GPR20: variants seen among roughly 807,000 people sequenced by gnomAD.
The protein encoded by GPR20 is G protein-coupled receptor 20, also known as CTD-3064M3.3.
For synonymous variants in GPR20, 241 were observed against 241.9 expected, an observed-to-expected ratio of 1.00 and a Z score of 0.04; for missense variants, 494 against 527.4, an observed-to-expected ratio of 0.94 and a Z score of 0.62.
chr8:141,358,024 G>C, intron 1 of GPR20, 77 bp from the exon 2 acceptor site: 1 of 711,052 alleles, frequency 1.4e-6, no homozygotes, highest in Middle Eastern at 3.8e-4. Flanking sequence ...AACTCAGCTG[G>C]CCCGTCTGCC....
intron 1 of GPR20, among the ~76,000 whole-genome samples, chr8:141,360,767 G>A (rs1831722339): frequency 6.6e-6 from 1 of 152,288 alleles, no homozygotes; most frequent in South Asian, 2.1e-4. Flanking sequence ...GTGATGAGCA[G>A]TCACCAGCAC....
At chr8:141,359,116 G>C (rs1831696276) in intron 1 of GPR20, among the ~76,000 whole-genome samples, 1 of 152,158 alleles carries the variant, frequency 6.6e-6, no homozygotes, top group South Asian at 2.1e-4. Flanking sequence ...GGGCCAGCAG[G>C]GTGGGGAGGC....
At chr8:141,366,514 G>A (rs569306833) in intron 1 of GPR20, among the ~76,000 whole-genome samples, 7 of 152,336 alleles carry the variant, frequency 4.6e-5, no homozygotes, top group South Asian at 2.1e-4. Flanking sequence ...TGCGAGCTTC[G>A]CGGGGCTGGA....
In GPR20 at chr8:141,357,129, C is replaced by G. The variant is rs372583253; in HGVS notation, c.795G>C (p.Ala265=). The G allele has an allele frequency of 1.2e-6, 2 of 1,611,172 alleles. No individual in the cohort carries two copies. Among genetic ancestry groups the G allele is most frequent in the East Asian group, 2.2e-5 (1 of 44,874 alleles). The change falls in exon 2 of 2, where the codon GCG becomes GCC. Residue 265 remains alanine (A), a synonymous_variant. Transcript: ENST00000377741. ...TPFHARQVAV[A]LWPDMPHHTS... ...TGTGGTGTGGCATGTCGGGCCACAG[C>G]GCCACGGCCACTTGGCGGGCGTGGA...
intron 1 of GPR20, among the ~76,000 whole-genome samples, chr8:141,358,600 C>T (rs930332469): frequency 2.6e-5 from 4 of 152,218 alleles, no homozygotes; most frequent in South Asian, 2.1e-4. Context: ...CCCCATCCTC[C>T]GGGACCACCC....
In GPR20 at chr8:141,357,459, G is replaced by A. The variant is rs11785629; in HGVS notation, c.465C>T (p.Pro155=). The A allele has an allele frequency of 0.69, 1,102,363 of 1,607,710 alleles. 380,892 individuals are homozygous for A. The highest frequency in any genetic ancestry group is 0.76 in the Admixed American group (45,510 of 59,522). The change falls in exon 2 of 2, where the codon CCC becomes CCT. Residue 155 remains proline (P), a synonymous_variant. Transcript: ENST00000377741. ...CVDRYLAIVR[P]EGSRRCRQPA... Reference sequence around the variant, plus strand: ...GCTGGCGGCAGCGGCGGGAGCCTTCGGGCCGCACGATGGCCAGGTAGCGGT... The same window carrying A: ...GCTGGCGGCAGCGGCGGGAGCCTTCAGGCCGCACGATGGCCAGGTAGCGGT...
rs149972765 is a variant in GPR20 at position 141,357,594 on chromosome 8, G to A, written c.330C>T (p.Phe110=). The A allele has an allele frequency of 3.6e-5, 58 of 1,613,990 alleles. No homozygotes were observed. Among genetic ancestry groups the A allele is most frequent in the Admixed American group, 5.0e-5 (3 of 60,036 alleles). The change falls in exon 2 of 2, where the codon TTC becomes TTT. Residue 110 remains phenylalanine, a synonymous_variant. Transcript: ENST00000377741. Reference sequence around the variant, plus strand: ...AGCCCCTGGCGCCGTAGTACACAGCGAAGCGCGTGGGCAGGGACAGCCCTA... The same window carrying A: ...AGCCCCTGGCGCCGTAGTACACAGCAAAGCGCGTGGGCAGGGACAGCCCTA... ...LLVGLSLPTR[F]AVYYGARGCL...
intron 1 of GPR20, among the ~76,000 whole-genome samples, chr8:141,361,826 G>A (rs1403257193): frequency 6.6e-6 from 1 of 151,914 alleles, no homozygotes; most frequent in Non-Finnish European, 1.5e-5. Flanking sequence ...TTTCTTTTCT[G>A]TTTCTGGCCC....
At position 141,356,569 on chromosome 8, in the gene GPR20, A is replaced by T. The variant is rs1831638680; in HGVS notation, c.*278T>A. On this transcript the variant is annotated 3_prime_UTR_variant, in exon 2 of 2. Coordinates refer to ENST00000377741, the MANE Select transcript of GPR20 (RefSeq NM_005293.3). ...TTCTGGAGACAAACTGGCCAAAGTG[A>T]GGAGCAGCTCCCGGCTACCCCTGTG... 1 of 404,924 alleles carries T rather than the reference A, an allele frequency of 2.5e-6. No homozygotes were observed. Among genetic ancestry groups the T allele is most frequent in the East Asian group, 3.6e-5 (1 of 28,064 alleles). The allele number at this position is 404,924 out of a possible 1,614,324, so 25.1% of individuals were successfully genotyped here.
At chr8:141,365,014 GCC>G (rs1477829321) in intron 1 of GPR20, among the ~76,000 whole-genome samples, 1 of 152,182 alleles carries the variant, frequency 6.6e-6, no homozygotes, top group East Asian at 1.9e-4. Context: ...TGGTCCTTCC[GCC>G]TGAAGCTCCT....
In GPR20 at chr8:141,357,019, C is replaced by T; in HGVS notation, c.905G>A (p.Ser302Asn). ...MDPIVYCFVT[S>N]GFQATVRGLF... The stretch of plus-strand genomic sequence containing the variant: ...GCCTCGGACGGTGGCCTGGAAGCCA[C>T]TGGTGACGAAGCAGTAGACGATGGG... Residue 302 changes from serine to asparagine, a missense_variant, in exon 2 of 2, where the codon AGT becomes AAT. Transcript: ENST00000377741. The T allele has an allele frequency of 1.9e-6, 3 of 1,613,130 alleles. No homozygotes were observed. Among genetic ancestry groups the T allele is most frequent in the Non-Finnish European group, 2.5e-6 (3 of 1,179,860 alleles).
chr8:141,361,052 C>T (rs1342764838), intron 1 of GPR20, among the ~76,000 whole-genome samples: 4 of 152,232 alleles, frequency 2.6e-5, no homozygotes, highest in Admixed American at 2.6e-4. Context: ...TGGCAGGCAC[C>T]CTGGGTCTGT....
Position 141,357,891 on chromosome 8 carries a change from G to A in GPR20, c.33C>T (p.Ala11=), listed in dbSNP as rs371581617. The change falls in exon 2 of 2, where the codon GCC becomes GCT. Residue 11 remains alanine, a synonymous_variant. Transcript: ENST00000377741. MPSVSPAGPS[A]GAVPNATAVT... ...CTGCGGTGGCATTGGGGACTGCCCC[G>A]GCCGAGGGCCCCGCTGGAGACACAG... The A allele has an allele frequency of 6.3e-6, 10 of 1,589,230 alleles. No individual in the cohort carries two copies. In the East Asian group the frequency reaches 6.9e-5, roughly 11 times the overall value.
rs776918296 is a variant in GPR20, at chr8:141,357,078, G to A, written c.846C>T (p.Ala282=). ...HHTSLVVYHV[A]VTLSSLNSCM... is the part of the protein sequence containing the mutation. Reference sequence around the variant, plus strand: ...AGCTGTTGAGGCTGCTGAGGGTCACGGCCACGTGGTAGACCACGAGGCTCG... The same window carrying A: ...AGCTGTTGAGGCTGCTGAGGGTCACAGCCACGTGGTAGACCACGAGGCTCG... The change falls in exon 2 of 2, where the codon GCC becomes GCT. Residue 282 remains alanine (A), a synonymous_variant. Transcript: ENST00000377741. The A allele has an allele frequency of 1.9e-5, 30 of 1,612,388 alleles. No homozygotes were observed. The highest frequency in any genetic ancestry group is 3.3e-5 in the South Asian group (3 of 91,064).
At chr8:141,360,874 C>T (rs987961048) in intron 1 of GPR20, among the ~76,000 whole-genome samples, 2 of 152,232 alleles carry the variant, frequency 1.3e-5, no homozygotes, top group African/African-American at 4.8e-5. Context: ...TGGGGTCACT[C>T]GTGCCTTCCA....
intron 1 of GPR20, among the ~76,000 whole-genome samples, chr8:141,365,332 G>A (rs1385759320): frequency 6.6e-6 from 1 of 152,198 alleles, no homozygotes; most frequent in East Asian, 1.9e-4. Flanking sequence ...CAATACAGAG[G>A]GGCTAAGTCA....
intron 1 of GPR20, among the ~76,000 whole-genome samples, chr8:141,358,980 A>G (rs1831694434): frequency 6.6e-6 from 1 of 152,124 alleles, no homozygotes; most frequent in South Asian, 2.1e-4. Flanking sequence ...GGCGTGTTTA[A>G]CTCGGCAGTG....
At chr8:141,366,937 G>A (rs909437221) in intron 1 of GPR20, among the ~76,000 whole-genome samples, 2 of 152,254 alleles carry the variant, frequency 1.3e-5, no homozygotes, top group Non-Finnish European at 2.9e-5. Flanking sequence ...GCACCTAGCA[G>A]CGCAGCTCCC....
At chr8:141,366,413 C>T (rs1831814380) in intron 1 of GPR20, among the ~76,000 whole-genome samples, 1 of 152,136 alleles carries the variant, frequency 6.6e-6, no homozygotes, top group South Asian at 2.1e-4. Flanking sequence ...TGCTCCACGT[C>T]TGCCCCGCCA....
Sources: gnomAD v4.1 joint callset for allele counts (sites outside exome capture counted in the v4.1 genomes callset) on GRCh38, gnomAD v4.1.1 for gene constraint, MANE v1.5 for transcripts, NCBI Gene and HGNC (gene_info 2026-07-23, HGNC 2026-07-21) for gene names.